Variants in PLEKHM1 observed in about 807,000 individuals in gnomAD.
PLEKHM1 encodes the protein pleckstrin homology and RUN domain containing M1.
A neutral mutation model predicts 94.3 loss-of-function variants in PLEKHM1; 28 were observed. The observed-to-expected ratio is 0.30, with a 90% CI of 0.22 to 0.41. The LOEUF (loss-of-function observed/expected upper bound fraction) is 0.41, where lower values mean the gene tolerates loss of function less well. PLEKHM1 is among the 10% of genes least tolerant of loss of function. PLEKHM1 has a pLI of 1.00. For missense variants in PLEKHM1, 907 were observed against 1,358.6 expected, an observed-to-expected ratio of 0.67 and a Z score of 5.22; for synonymous variants, 424 against 581.2, an observed-to-expected ratio of 0.73 and a Z score of 3.89.
chr17:45,446,798 G>A (rs2050620854), intron 8 of PLEKHM1, among the ~76,000 whole-genome samples: 1 of 152,170 alleles, frequency 6.6e-6, no homozygotes, highest in African/African-American at 2.4e-5. Flanking sequence ...AAAAAAGTCT[G>A]GCTTCGGAGT....
chr17:45,454,384 C>T (rs951964409), intron 6 of PLEKHM1, 112 bp from the exon 7 acceptor site: 11 of 997,698 alleles, frequency 1.1e-5, no homozygotes, highest in African/African-American at 3.2e-5. Flanking sequence ...TGACTGTCCC[C>T]AGAACACAGG....
rs1318504825 is a variant in PLEKHM1, at chr17:45,453,519, G to A, written c.2333C>T (p.Ser778Phe). The change falls in exon 7 of 12, where the codon TCC (serine) becomes TTC (phenylalanine). Residue 778 changes from serine to phenylalanine, a missense_variant. Coordinates refer to ENST00000430334, the MANE Select transcript of PLEKHM1 (RefSeq NM_014798.3). The surrounding 1 kb of genome is among the most constrained non-coding windows in gnomAD (Gnocchi z 4.1). ...WRDLVRKVLA[S>F]YLETAEEAVT... ...CGCCTCCTCGGCTGTCTCCAAGTAG[G>A]ATGCCAGGACTTTGCGGACCAGATC... The A allele has an allele frequency of 1.9e-6, 3 of 1,609,538 alleles. No individual in the cohort carries two copies. The Admixed American group carries it at 5.1e-5, about 27-fold the overall frequency.
At chr17:45,489,042 A>T (rs141403776) in intron 1 of PLEKHM1, among the ~76,000 whole-genome samples, 5,146 of 152,300 alleles carry the variant, frequency 0.034, 114 homozygotes, top group Admixed American at 0.06. Flanking sequence ...GCCCCCAGGA[A>T]ACTATAAATG....
In PLEKHM1 at chr17:45,458,385, G is replaced by C; in HGVS notation, c.1363C>G (p.Pro455Ala). 2 of 1,613,890 alleles carry C rather than the reference G, an allele frequency of 1.2e-6. No homozygotes were observed. Among genetic ancestry groups the C allele is most frequent in the Non-Finnish European group, 1.7e-6 (2 of 1,179,774 alleles). The change falls in exon 6 of 12, where the codon CCC becomes GCC. Residue 455 changes from proline to alanine, a missense_variant. By Grantham distance (27) the Pro-to-Ala change is conservative. Around this residue, in one of 3 missense-constraint regions of PLEKHM1, gnomAD observed 477 missense variants for 601.5 expected, o/e 0.79. Transcript: ENST00000430334. ...DDFYRPSREQPLESASDHPIA... is the reference protein window; with the variant it reads ...DDFYRPSREQALESASDHPIA... ...GGGTGGTCTGAAGCACTCTCCAGGG[G>C]TTGCTCCCGGGAAGGCCGGTAGAAG... is the stretch of plus-strand genomic sequence containing the variant.
At position 45,437,198 on chromosome 17, in the gene PLEKHM1, G is replaced by A. The variant is rs1383932319; in HGVS notation, c.*660C>T. 1 of 452,804 alleles carries A rather than the reference G, an allele frequency of 2.2e-6. No homozygotes were observed. Among genetic ancestry groups the A allele is most frequent in the Non-Finnish European group, 4.4e-6 (1 of 225,488 alleles). The allele number at this position is 452,804 out of a possible 1,614,324, so 28.0% of individuals were successfully genotyped here. A position where few individuals can be genotyped will look rare whatever the true frequency, so the allele number is the denominator to read the frequency against. ...GACGCACTGGGGTGGGGAGTAAAGA[G>A]GACACAGAGGAACCGGGGTCGCCAG... On this transcript the variant is annotated 3_prime_UTR_variant, in exon 12 of 12. Transcript: ENST00000430334. The surrounding 1 kb of genome is among the most constrained non-coding windows in gnomAD (Gnocchi z 4.0).
In PLEKHM1 at chr17:45,437,779, C is replaced by G. The variant is rs754477397; in HGVS notation, c.*79G>C. 1.8e-6 allele frequency: 2 copies of G among 1,105,268 alleles called. No homozygotes were observed. Among genetic ancestry groups the G allele is most frequent in the Admixed American group, 1.7e-5 (1 of 59,122 alleles). The allele number at this position is 1,105,268 out of a possible 1,614,324, so 68.5% of individuals were successfully genotyped here. A position where few individuals can be genotyped will look rare whatever the true frequency, so the allele number is the denominator to read the frequency against. On this transcript the variant is annotated 3_prime_UTR_variant, in exon 12 of 12. Transcript: ENST00000430334. This position sits in a 1 kb window ranked among gnomAD's most constrained non-coding sequence, Gnocchi z 4.0. The stretch of plus-strand genomic sequence containing the variant: ...ACACAGCTGTGACACGGTGAGTATC[C>G]TGGGCTGATGGCAAACCCAGCCGGG...
In PLEKHM1 at chr17:45,458,273, C is replaced by T. The variant is rs571674138; in HGVS notation, c.1475G>A (p.Gly492Glu). Residue 492 changes from glycine (G) to glutamate (E), a missense_variant, in exon 6 of 12, where the codon GGG becomes GAG. Physicochemically the swap from Gly to Glu is moderately conservative, Grantham distance 98. Coordinates refer to ENST00000430334, the MANE Select transcript of PLEKHM1 (RefSeq NM_014798.3). ...SQEPRKNCSLGALDQACVPSP... is the reference protein window; with the variant it reads ...SQEPRKNCSLEALDQACVPSP... ...AGGTACACACGCTTGGTCTAACGCC[C>T]CCAGGGAGCAGTTTTTTCTTGGTTC... 103 of 1,611,304 alleles carry T rather than the reference C, an allele frequency of 6.4e-5. No homozygotes were observed. The South Asian group carries it at 1.0e-3, about 16-fold the overall frequency.
chr17:45,461,877 C>T (rs1264201582), intron 5 of PLEKHM1, among the ~76,000 whole-genome samples: 1 of 152,084 alleles, frequency 6.6e-6, no homozygotes, highest in Non-Finnish European at 1.5e-5. Flanking sequence ...TTCCTTTTCT[C>T]CAGTATTTCA....
At chr17:45,466,956 A>G (rs1355242292) in intron 5 of PLEKHM1, among the ~76,000 whole-genome samples, 1 of 152,214 alleles carries the variant, frequency 6.6e-6, no homozygotes, top group Non-Finnish European at 1.5e-5. Context: ...AGCTTTCTTC[A>G]TAATAGTCAA....
rs1322849859 is a variant in PLEKHM1 at position 45,437,384 on chromosome 17, G to T, written c.*474C>A. Reference sequence around the variant, plus strand: ...TGGCTCCTGTGCATCCGCTGGGGGTGAGAATGTCTGGATTTCATGGGTGAC... The same window carrying T: ...TGGCTCCTGTGCATCCGCTGGGGGTTAGAATGTCTGGATTTCATGGGTGAC... On this transcript the variant is annotated 3_prime_UTR_variant, in exon 12 of 12. Transcript: ENST00000430334. This position sits in a 1 kb window ranked among gnomAD's most constrained non-coding sequence, Gnocchi z 4.0. 4.4e-6 allele frequency: 2 copies of T among 454,272 alleles called. No homozygotes were observed. Among genetic ancestry groups the T allele is most frequent in the Non-Finnish European group, 8.8e-6 (2 of 226,970 alleles). 28.1% of individuals were successfully genotyped at this position (454,272 alleles called of 1,614,324 possible).
rs960350342 is a variant in PLEKHM1, at chr17:45,444,884, T to C, written c.2837+586A>G. On this transcript the variant is annotated intron_variant, in intron 9 of 11. Coordinates refer to ENST00000430334, the MANE Select transcript of PLEKHM1 (RefSeq NM_014798.3). The surrounding 1 kb of genome is among the most constrained non-coding windows in gnomAD (Gnocchi z 5.0). Reference sequence around the variant, plus strand: ...CTCTCACCCTCACCCCCAGATGGAGTTGCTGGCTTTCCCACCTGTCTCCCT... The same window carrying C: ...CTCTCACCCTCACCCCCAGATGGAGCTGCTGGCTTTCCCACCTGTCTCCCT... 6.6e-6 allele frequency among the ~76,000 whole-genome samples: 1 copy of C among 150,904 alleles called. No homozygotes were observed. Among genetic ancestry groups the C allele is most frequent in the African/African-American group, 2.4e-5 (1 of 40,928 alleles).
intron 9 of PLEKHM1, among the ~76,000 whole-genome samples, chr17:45,443,646 C>G (rs2050515991): frequency 1.3e-5 from 2 of 151,820 alleles, no homozygotes; most frequent in African/African-American, 4.8e-5. Flanking sequence ...GGCTGGGGTC[C>G]ACAACCCACC....
intron 5 of PLEKHM1, among the ~76,000 whole-genome samples, chr17:45,461,310 C>T (rs1213418984): frequency 1.3e-5 from 2 of 152,206 alleles, no homozygotes; most frequent in African/African-American, 4.8e-5. Flanking sequence ...TTACGATTTG[C>T]AAATAATTTC....
chr17:45,469,683 C>T (rs911004331), intron 4 of PLEKHM1, among the ~76,000 whole-genome samples: 1 of 152,170 alleles, frequency 6.6e-6, no homozygotes, highest in Non-Finnish European at 1.5e-5. Flanking sequence ...AGTTGCTTAC[C>T]TGATTGTCTT....
At chr17:45,474,116 G>A (rs2145312086) in intron 4 of PLEKHM1, among the ~76,000 whole-genome samples, 2 of 151,190 alleles carry the variant, frequency 1.3e-5, no homozygotes, top group African/African-American at 4.9e-5. Context: ...GAGTGCAGTG[G>A]TGCGGTCTCA....
intron 9 of PLEKHM1, chr17:45,440,751 G>GATAC: frequency 4.9e-6 from 1 of 202,460 alleles, no homozygotes; most frequent in Non-Finnish European, 1.0e-5. Flanking sequence ...TTGAACACAG[G>GATAC]GGCCTGGCTC....
At chr17:45,476,221 G>T (rs2051732115) in intron 3 of PLEKHM1, 1 of 147,898 alleles carries the variant, frequency 6.8e-6, no homozygotes, top group Non-Finnish European at 1.5e-5. Context: ...TATATTTTGA[G>T]ATTGGAATTG....
At chr17:45,440,558 A>T (rs540432966) in intron 9 of PLEKHM1, among the ~76,000 whole-genome samples, 1 of 152,368 alleles carries the variant, frequency 6.6e-6, no homozygotes, top group Non-Finnish European at 1.5e-5. Flanking sequence ...CATGAGAAGG[A>T]GGATGGGTGC....
At chr17:45,456,922 C>T (rs1436366652) in intron 6 of PLEKHM1, among the ~76,000 whole-genome samples, 3 of 152,190 alleles carry the variant, frequency 2.0e-5, no homozygotes, top group Admixed American at 2.0e-4. Flanking sequence ...TGGCTCACAC[C>T]TGTAATCCCA....
Sources: allele counts gnomAD v4.1 joint callset (sites outside exome capture counted in the v4.1 genomes callset), GRCh38; gene constraint gnomAD v4.1.1; regional missense constraint gnomAD v4.1.1; non-coding constraint Gnocchi (gnomAD v3.1); transcripts MANE v1.5; gene names NCBI Gene and HGNC (gene_info 2026-07-23, HGNC 2026-07-21).